Variants in SHISA6 observed in about 807,000 individuals in gnomAD.
SHISA6 encodes the protein protein shisa-6.
A neutral mutation model predicts 47.9 loss-of-function variants in SHISA6; 22 were observed. The observed-to-expected ratio is 0.46, with a 90% CI of 0.33 to 0.66. The LOEUF is 0.66. Ranked by LOEUF, SHISA6 falls within the 30% of genes least tolerant of loss-of-function variation. SHISA6 has a pLI of 0.02. For missense variants in SHISA6, 680 were observed against 764.6 expected (o/e 0.89, Z 1.30); for synonymous variants, 388 against 337.8 (o/e 1.15, Z -1.63).
intron 2 of SHISA6, among the ~76,000 whole-genome samples, chr17:11,330,694 T>C (rs1356263005): frequency 1.3e-5 from 2 of 152,100 alleles, no homozygotes; most frequent in Non-Finnish European, 2.9e-5. Flanking sequence ...AAAAGATCCA[T>C]GCGTGAAGCA....
intron 2 of SHISA6, among the ~76,000 whole-genome samples, chr17:11,327,969 C>G (rs545245222): frequency 6.6e-6 from 1 of 151,856 alleles, no homozygotes; most frequent in South Asian, 2.1e-4. Context: ...CTCATAGATA[C>G]ACACACACAG....
chr17:11,356,613 C>G (rs1912087764), intron 2 of SHISA6, among the ~76,000 whole-genome samples: 1 of 152,090 alleles, frequency 6.6e-6, no homozygotes, highest in Non-Finnish European at 1.5e-5. Context: ...CTCTGCTGGC[C>G]CTAATGCTGT....
intron 1 of SHISA6, among the ~76,000 whole-genome samples, chr17:11,261,780 A>G (rs117153612): frequency 0.024 from 3,611 of 152,300 alleles, 63 homozygotes; most frequent in Non-Finnish European, 0.035. Flanking sequence ...TTTGTACACA[A>G]GTTTAATGCA....
intron 2 of SHISA6, among the ~76,000 whole-genome samples, chr17:11,328,550 C>T (rs1910989361): frequency 6.6e-6 from 1 of 152,172 alleles, no homozygotes; most frequent in South Asian, 2.1e-4. Flanking sequence ...GTACTTGGAA[C>T]AGTGCCTGGT....
rs191535962 is a variant in SHISA6 at position 11,316,697 on chromosome 17, G to A, written c.799+53171G>A. On this transcript the variant is annotated intron_variant, in intron 2 of 5. Transcript: ENST00000441885. ...GGCCTCCCAAAGTGTTGGGATTATA[G>A]GAGTGAGCTACCACGCCCGGCCCAT... is the stretch of plus-strand genomic sequence containing the variant. Among the ~76,000 whole-genome samples, 23 of 152,116 alleles carry A rather than the reference G, an allele frequency of 1.5e-4. No individual in the cohort carries two copies. In the East Asian group the frequency reaches 4.3e-3, roughly 28 times the overall value.
chr17:11,326,380 C>T (rs1910894712), intron 2 of SHISA6, among the ~76,000 whole-genome samples: 2 of 152,106 alleles, frequency 1.3e-5, no homozygotes, highest in South Asian at 4.1e-4. Context: ...TTTGTTCACT[C>T]CTTCTTCCAG....
At chr17:11,413,254 T>A (rs1403047408) in intron 3 of SHISA6, among the ~76,000 whole-genome samples, 1 of 152,130 alleles carries the variant, frequency 6.6e-6, no homozygotes, top group Non-Finnish European at 1.5e-5. Flanking sequence ...GATACGTCAT[T>A]TCGTGTCAGG....
intron 3 of SHISA6, among the ~76,000 whole-genome samples, chr17:11,417,541 C>T (rs376649093): frequency 3.5e-3 from 539 of 152,286 alleles, no homozygotes; most frequent in Admixed American, 0.012. Flanking sequence ...TTTTGGAGAT[C>T]GGGGACAATT....
chr17:11,428,570 G>T (rs1200322901), intron 3 of SHISA6, among the ~76,000 whole-genome samples: 3 of 152,182 alleles, frequency 2.0e-5, no homozygotes, highest in African/African-American at 4.8e-5. Context: ...AGTAGTGTTT[G>T]TATTAGTTAT....
intron 3 of SHISA6, among the ~76,000 whole-genome samples, chr17:11,422,139 C>T (rs1914466315): frequency 6.6e-6 from 1 of 152,186 alleles, no homozygotes; most frequent in Non-Finnish European, 1.5e-5. Flanking sequence ...AGGCTAGCAC[C>T]TGTGACATAT....
chr17:11,241,511 C>A lies in SHISA6; in HGVS notation c.89C>A (p.Ala30Asp). ...AGCGTCCACGGAGCCCGCGGCCGCG[C>A]CGCCAACCGGACCCTGAGTGCAGGC... ...LPSVHGARGR[A>D]ANRTLSAGGA... The change falls in exon 1 of 6, where the codon GCC becomes GAC. Residue 30 changes from alanine (A) to aspartate (D), a missense_variant. Physicochemically the swap from Ala to Asp is moderately radical, Grantham distance 126 (BLOSUM62 -2). Coordinates refer to ENST00000441885, the MANE Select transcript of SHISA6 (RefSeq NM_207386.4). The surrounding 1 kb of genome is among the most constrained non-coding windows in gnomAD (Gnocchi z 5.5). 2 of 1,149,606 alleles carry A rather than the reference C, an allele frequency of 1.7e-6. No homozygotes were observed. Among genetic ancestry groups the A allele is most frequent in the South Asian group, 2.4e-5 (1 of 41,712 alleles). The allele number at this position is 1,149,606 out of a possible 1,614,324, so 71.2% of individuals were successfully genotyped here. A position where few individuals can be genotyped will look rare whatever the true frequency, so the allele number is the denominator to read the frequency against.
At chr17:11,344,345 A>G (rs1433400757) in intron 2 of SHISA6, among the ~76,000 whole-genome samples, 1 of 152,084 alleles carries the variant, frequency 6.6e-6, no homozygotes, top group Non-Finnish European at 1.5e-5. Context: ...CATTTTATGT[A>G]TTTTTTCTTT....
intron 3 of SHISA6, among the ~76,000 whole-genome samples, chr17:11,524,943 G>T (rs1242187875): frequency 1.3e-5 from 2 of 152,166 alleles, no homozygotes; most frequent in East Asian, 3.9e-4. Flanking sequence ...TTCCTACACA[G>T]TTGAAACCCT....
intron 2 of SHISA6, among the ~76,000 whole-genome samples, chr17:11,319,908 G>A (rs759815084): frequency 1.7e-4 from 26 of 152,252 alleles, no homozygotes; most frequent in Admixed American, 3.3e-4. Flanking sequence ...TTATGACAGC[G>A]GATTGCCTAA....
intron 3 of SHISA6, among the ~76,000 whole-genome samples, chr17:11,546,882 C>G (rs373915462): frequency 6.6e-6 from 1 of 151,460 alleles, no homozygotes; most frequent in African/African-American, 2.4e-5. Flanking sequence ...GATTGCGCCA[C>G]GGCGCCACTG....
chr17:11,360,798 T>TA (rs367867682), intron 2 of SHISA6, among the ~76,000 whole-genome samples: 25,501 of 137,328 alleles, frequency 0.19, 2,288 homozygotes, highest in East Asian at 0.25. Flanking sequence ...AAAGTAAAAT[T>TA]AAAAAAAAAA....
intron 2 of SHISA6, among the ~76,000 whole-genome samples, chr17:11,315,531 T>A (rs149125694): frequency 7.0e-4 from 107 of 152,312 alleles, no homozygotes; most frequent in African/African-American, 2.4e-3. Flanking sequence ...ACTTAGTTAA[T>A]CTTTACAGGT....
intron 3 of SHISA6, among the ~76,000 whole-genome samples, chr17:11,442,314 ACCCGCCAATCGAGACCCTTAGGTTTCTGG>A (rs142710273): frequency 0.11 from 16,153 of 151,978 alleles, 1,048 homozygotes; most frequent in Non-Finnish European, 0.14. Flanking sequence ...TTTTGGGTCT[ACCCGCCAATCGAGACCCTTAGGTTTCTGG>A]CCTTTCCCTC....
intron 1 of SHISA6, among the ~76,000 whole-genome samples, chr17:11,244,512 G>C (rs1286559293): frequency 1.3e-5 from 2 of 152,064 alleles, no homozygotes; most frequent in African/African-American, 4.8e-5. Context: ...GACTCCTGGG[G>C]GTGAGTGTGA....
Sources: allele counts gnomAD v4.1 joint callset (sites outside exome capture counted in the v4.1 genomes callset), GRCh38; gene constraint gnomAD v4.1.1; non-coding constraint Gnocchi (gnomAD v3.1); transcripts MANE v1.5; gene names NCBI Gene and HGNC (gene_info 2026-07-23, HGNC 2026-07-21).